The following CHL1 variants were observed in gnomAD, a reference collection of about 807,000 sequenced individuals.
The protein encoded by CHL1 is neural cell adhesion molecule L1-like protein.
Under a neutral mutation model 141.9 loss-of-function variants are expected in CHL1, and 96 were observed. The observed-to-expected ratio is 0.68, with a 90% CI of 0.57 to 0.80. The LOEUF is 0.80. Among genes scored for constraint, CHL1 ranks in the 30% least tolerant of loss-of-function variants. The pLI is 0.00. For synonymous variants in CHL1, 613 were observed against 502.2 expected (o/e 1.22, Z -2.95); for missense variants, 1,820 against 1,457.2 (o/e 1.25, Z -4.05).
intron 16 of CHL1, 101 bp from the exon 17 acceptor site, chr3:382,078 G>T (rs1388024003): frequency 6.5e-6 from 6 of 927,998 alleles, no homozygotes; most frequent in Non-Finnish European, 1.0e-5. Flanking sequence ...CCCTAAGAGG[G>T]TGGTACCTCC....
intron 1 of CHL1, among the ~76,000 whole-genome samples, chr3:207,369 C>G (rs1699531138): frequency 6.6e-6 from 1 of 152,194 alleles, no homozygotes; most frequent in Non-Finnish European, 1.5e-5. Flanking sequence ...ATACCTGCTT[C>G]TCTGGAATAC....
chr3:395,429 C>G (rs898323144), intron 24 of CHL1, among the ~76,000 whole-genome samples: 10 of 152,172 alleles, frequency 6.6e-5, no homozygotes, highest in African/African-American at 2.2e-4. Flanking sequence ...TTACACTTTT[C>G]TGTTTTTTTC....
intron 27 of CHL1, among the ~76,000 whole-genome samples, chr3:404,549 C>T (rs1709384090): frequency 6.6e-6 from 1 of 152,042 alleles, no homozygotes; most frequent in South Asian, 2.1e-4. Flanking sequence ...AATAAAACAC[C>T]TACCATAAAT....
At chr3:331,591 G>C (rs375414662) in intron 5 of CHL1, among the ~76,000 whole-genome samples, 2 of 152,134 alleles carry the variant, frequency 1.3e-5, no homozygotes, top group East Asian at 3.9e-4. Context: ...AAATCATCAA[G>C]AATACATTCT....
intron 2 of CHL1, among the ~76,000 whole-genome samples, chr3:284,061 CT>C (rs1407499299): frequency 6.6e-6 from 1 of 152,192 alleles, no homozygotes; most frequent in Non-Finnish European, 1.5e-5. Context: ...CCACTAAGTA[CT>C]TTGCCAGGTA....
chr3:300,860 G>C (rs1698663497), intron 2 of CHL1, among the ~76,000 whole-genome samples: 1 of 152,206 alleles, frequency 6.6e-6, no homozygotes, highest in Non-Finnish European at 1.5e-5. Flanking sequence ...AAGGATAAGA[G>C]TTGCCATCTA....
At chr3:366,484 A>C (rs1704906800) in intron 15 of CHL1, among the ~76,000 whole-genome samples, 2 of 151,584 alleles carry the variant, frequency 1.3e-5, no homozygotes. Flanking sequence ...AAAAAAAAAA[A>C]AGTTCTTAAA....
intron 3 of CHL1, among the ~76,000 whole-genome samples, chr3:321,244 A>C (rs1470943888): frequency 6.6e-6 from 1 of 152,080 alleles, no homozygotes; most frequent in East Asian, 1.9e-4. Flanking sequence ...TATTTTTAAC[A>C]GATAAGTAAG....
intron 2 of CHL1, among the ~76,000 whole-genome samples, chr3:284,811 A>G (rs1030895097): frequency 7.2e-5 from 11 of 151,970 alleles, no homozygotes; most frequent in Non-Finnish European, 1.2e-4. Context: ...TAAGGACATT[A>G]ATCAGACCTT....
At chr3:319,365 A>C (rs1048498713) in intron 2 of CHL1, among the ~76,000 whole-genome samples, 1 of 151,788 alleles carries the variant, frequency 6.6e-6, no homozygotes, top group Admixed American at 6.6e-5. Flanking sequence ...TTACCTCCTG[A>C]ATCTAAAATA....
chr3:322,673 TATA>T lies in CHL1; in HGVS notation c.91+2807_91+2809del, dbSNP rs1165664075. 5.2e-4 allele frequency among the ~76,000 whole-genome samples: 68 copies of T among 131,060 alleles called. No individual in the cohort carries two copies. The East Asian group carries it at 0.012, about 23-fold the overall frequency. 86.0% of individuals were successfully genotyped at this position (131,060 alleles called of 152,430 possible). A position where few individuals can be genotyped will look rare whatever the true frequency, so the allele number is the denominator to read the frequency against. On this transcript the variant is annotated intron_variant, in intron 3 of 27. Transcript: ENST00000256509. ...ATATATATATATATATATATATAAT[TATA>T]TATATATATATAAAACGAATAGCTG...
At chr3:403,808 A>G (rs1383336104) in intron 27 of CHL1, among the ~76,000 whole-genome samples, 1 of 152,116 alleles carries the variant, frequency 6.6e-6, no homozygotes, top group Non-Finnish European at 1.5e-5. Context: ...TACTTTCCAC[A>G]TTATCCCAGG....
chr3:387,403 G>A (rs1425116437), intron 19 of CHL1, among the ~76,000 whole-genome samples: 1 of 152,114 alleles, frequency 6.6e-6, no homozygotes, highest in Non-Finnish European at 1.5e-5. Flanking sequence ...AGATTATTTG[G>A]GAAATGTCTG....
intron 3 of CHL1, among the ~76,000 whole-genome samples, chr3:324,945 C>T (rs1345519578): frequency 6.6e-6 from 1 of 151,846 alleles, no homozygotes. Flanking sequence ...CAAACACTAA[C>T]AGAGTTTGTC....
At chr3:223,178 CTTTAAA>C (rs1701009442) in intron 1 of CHL1, among the ~76,000 whole-genome samples, 1 of 152,164 alleles carries the variant, frequency 6.6e-6, no homozygotes, top group African/African-American at 2.4e-5. Flanking sequence ...TTGCTCCACC[CTTTAAA>C]CTCTTTTCTG....
In CHL1 at chr3:242,502, A is replaced by G. The variant is rs190774435; in HGVS notation, c.-174-2111A>G. On this transcript the variant is annotated intron_variant, in intron 1 of 27. Transcript: ENST00000256509. Reference sequence around the variant, plus strand: ...TCCCAGCTACCTGGGAGGCTGAGGCAGGAGAATGGCTTGAACCAGGGAGGC... The same window carrying G: ...TCCCAGCTACCTGGGAGGCTGAGGCGGGAGAATGGCTTGAACCAGGGAGGC... Among the ~76,000 whole-genome samples, 291 of 152,006 alleles carry G rather than the reference A, an allele frequency of 1.9e-3. 1 individual carries two copies. Among genetic ancestry groups the G allele is most frequent in the African/African-American group, 5.9e-3 (245 of 41,444 alleles).
intron 2 of CHL1, among the ~76,000 whole-genome samples, chr3:309,569 G>A (rs1699579137): frequency 6.7e-6 from 1 of 149,626 alleles, no homozygotes; most frequent in Non-Finnish European, 1.5e-5. Context: ...TGTTGCCCAG[G>A]CAGAATCATA....
At chr3:297,177 G>A (rs964894955) in intron 2 of CHL1, among the ~76,000 whole-genome samples, 1 of 152,056 alleles carries the variant, frequency 6.6e-6, no homozygotes, top group Non-Finnish European at 1.5e-5. Context: ...AGAGAGCTGT[G>A]ATCACACTAC....
chr3:391,138 A>C lies in CHL1; in HGVS notation c.2770A>C (p.Ile924Leu), dbSNP rs775849074. 1.2e-6 allele frequency: 2 copies of C among 1,612,834 alleles called. No homozygotes were observed. The highest frequency in any genetic ancestry group is 1.7e-6 in the Non-Finnish European group (2 of 1,178,894). ...AGCTGGTCCTGAAAGTGAGCCTTAT[A>C]TATTTCAAACACCAGAAGGAGGTGA... ...KGAGPESEPY[I>L]FQTPEGVPEQ... is the part of the protein sequence containing the mutation. The change falls in exon 22 of 28, where the codon ATA (isoleucine) becomes CTA (leucine). Residue 924 changes from isoleucine to leucine, a missense_variant. Coordinates refer to ENST00000256509, the MANE Select transcript of CHL1 (RefSeq NM_006614.4).
Sources: allele counts gnomAD v4.1 joint callset (sites outside exome capture counted in the v4.1 genomes callset), GRCh38; gene constraint gnomAD v4.1.1; transcripts MANE v1.5; gene names NCBI Gene and HGNC (gene_info 2026-07-23, HGNC 2026-07-21).